The following NPC1 variants were observed in gnomAD, a reference collection of about 807,000 sequenced individuals.
NPC1 encodes Niemann-Pick C1 protein.
A neutral mutation model predicts 140.4 loss-of-function variants in NPC1; 85 were observed. That is an observed-to-expected ratio of 0.61 (90% CI 0.51 to 0.72). The LOEUF is 0.72. Ranked by LOEUF, NPC1 falls within the 30% of genes least tolerant of loss-of-function variation. NPC1 has a pLI of 0.00. For synonymous variants in NPC1, 656 were observed against 624.8 expected, an observed-to-expected ratio of 1.05 and a Z score of -0.74; for missense variants, 1,504 against 1,623.8, an observed-to-expected ratio of 0.93 and a Z score of 1.27.
intron 19 of NPC1, chr18:23,538,883 C>A: frequency 1.7e-6 from 1 of 587,044 alleles, no homozygotes; most frequent in Non-Finnish European, 3.0e-6. Context: ...TCATCTTAGG[C>A]ATACTATGCA....
chr18:23,536,049 G>A (rs867492361), intron 21 of NPC1, among the ~76,000 whole-genome samples: 2 of 152,122 alleles, frequency 1.3e-5, no homozygotes, highest in African/African-American at 2.4e-5. Context: ...ACTACCTCAG[G>A]CTCAGCGGGG....
intron 3 of NPC1, among the ~76,000 whole-genome samples, chr18:23,514,657 T>C (rs2057952734): frequency 6.6e-6 from 1 of 152,154 alleles, no homozygotes; most frequent in South Asian, 2.1e-4. Context: ...TGTGATTGCA[T>C]GGGAAGGATG....
chr18:23,534,939 A>G (rs898603987), intron 22 of NPC1, among the ~76,000 whole-genome samples: 1 of 152,166 alleles, frequency 6.6e-6, no homozygotes, highest in Non-Finnish European at 1.5e-5. Flanking sequence ...TCTATTTTCC[A>G]TGAATACCTT....
At chr18:23,554,545 A>G (rs1054207291) in intron 9 of NPC1, among the ~76,000 whole-genome samples, 2 of 151,922 alleles carry the variant, frequency 1.3e-5, no homozygotes, top group South Asian at 4.2e-4. Context: ...GCCGGAGGTT[A>G]CAGTGAGCCA....
chr18:23,571,957 TATA>T, intron 3 of NPC1, 114 bp downstream of exon 3: 1 of 443,418 alleles, frequency 2.3e-6, no homozygotes, highest in Non-Finnish European at 4.1e-6. Context: ...ATAATATACA[TATA>T]ATATAGACAT....
At chr18:23,538,311 CAGAG>C (rs903726691) in intron 20 of NPC1, among the ~76,000 whole-genome samples, 13 of 152,186 alleles carry the variant, frequency 8.5e-5, no homozygotes, top group African/African-American at 2.7e-4. Context: ...GGCCAGGACA[CAGAG>C]AGAGCATGAG....
chr18:23,566,853 T>A (rs1567975379), intron 4 of NPC1, among the ~76,000 whole-genome samples: 1 of 152,272 alleles, frequency 6.6e-6, no homozygotes. Flanking sequence ...TCCTCTCTCC[T>A]AACCCATGGC....
chr18:23,544,986 G>A lies in NPC1; in HGVS notation c.1921C>T (p.His641Tyr). The change falls in exon 12 of 25, where the codon CAC becomes TAC. Residue 641 changes from histidine to tyrosine, a missense_variant. Transcript: ENST00000269228. ...AGAAGCCTGCGACAGCTTTTCATGT[G>A]CCCCAAGGCTAGGGAAATATATAGA... is the stretch of plus-strand genomic sequence containing the variant. ...MFLYISLALG[H>Y]MKSCRRLLVD... 6.5e-7 allele frequency: 1 copy of A among 1,527,572 alleles called. No homozygotes were observed. The highest frequency in any genetic ancestry group is 1.1e-5 in the South Asian group (1 of 89,402). The allele number at this position is 1,527,572 out of a possible 1,614,324, so 94.6% of individuals were successfully genotyped here.
chr18:23,526,853 GT>G, downstream of NPC1: 8 of 1,517,282 alleles, frequency 5.3e-6, no homozygotes. Context: ...CTACATTGTT[GT>G]GTCTTGTCTG....
rs903833252 is a variant in NPC1, at chr18:23,538,394, G to A, written c.3041+148C>T. On this transcript the variant is annotated intron_variant, in intron 20 of 24. Transcript: ENST00000269228. Reference sequence around the variant, plus strand: ...GGCATTTTCTTAAAAAGGTGTTTTCGGTTTTCCTGCTTCCACCAAAGGACC... The same window carrying A: ...GGCATTTTCTTAAAAAGGTGTTTTCAGTTTTCCTGCTTCCACCAAAGGACC... 126 of 994,442 alleles carry A rather than the reference G, an allele frequency of 1.3e-4. 1 individual carries two copies. In the Admixed American group the frequency reaches 2.1e-3, roughly 17 times the overall value. 61.6% of individuals were successfully genotyped at this position (994,442 alleles called of 1,614,324 possible).
downstream of NPC1, chr18:23,520,336 GTCTGT>G (rs772871108): frequency 6.4e-7 from 1 of 1,568,924 alleles, no homozygotes; most frequent in African/African-American, 1.4e-5. Flanking sequence ...CTGTAGAGGA[GTCTGT>G]GCTGCCCTTT....
At position 23,586,467 on chromosome 18, in the gene NPC1, CGCT is replaced by C. The variant is rs2059421254; in HGVS notation, c.-127_-125del. The C allele has an allele frequency of 6.8e-7, 1 of 1,461,368 alleles. No individual in the cohort carries two copies. Among genetic ancestry groups the C allele is most frequent in the Non-Finnish European group, 9.0e-7 (1 of 1,113,548 alleles). 90.5% of individuals were successfully genotyped at this position (1,461,368 alleles called of 1,614,324 possible). The stretch of plus-strand genomic sequence containing the variant: ...GGAGGAGCGGAGGAGCAGGAGCAGG[CGCT>C]GACCGCGGCAGCAGGCTGCGCGCGC... On this transcript the variant is annotated 5_prime_UTR_variant, in exon 1 of 25. Coordinates refer to ENST00000269228, the MANE Select transcript of NPC1 (RefSeq NM_000271.5).
Position 23,544,943 on chromosome 18 carries a change from A to ACCG in NPC1, c.1947+16_1947+17insCGG, listed in dbSNP as rs55809701. On this transcript the variant is annotated intron_variant, in intron 12 of 24. Transcript: ENST00000269228. ...GCTGTTAACCTCTAGAACATACACC[A>ACCG]CCCCCCCCCGGCTTACCAGAAGCCT... 1.8e-3 allele frequency: 1,882 copies of ACCG among 1,042,344 alleles called. 109 individuals carry two copies. In the African/African-American group the frequency reaches 0.028, roughly 16 times the overall value. The allele number at this position is 1,042,344 out of a possible 1,614,324, so 64.6% of individuals were successfully genotyped here. A position where few individuals can be genotyped will look rare whatever the true frequency, so the allele number is the denominator to read the frequency against.
downstream of NPC1, chr18:23,528,257 G>A (rs2058367207): frequency 5.9e-6 from 1 of 170,770 alleles, no homozygotes. Context: ...TGAGGACTTA[G>A]AAAATTAAAT....
chr18:23,585,013 C>T (rs1357779355), intron 1 of NPC1, among the ~76,000 whole-genome samples: 1 of 151,914 alleles, frequency 6.6e-6, no homozygotes, highest in Non-Finnish European at 1.5e-5. Flanking sequence ...CGACACTGCC[C>T]CCACGCCTGG....
intron 1 of NPC1, among the ~76,000 whole-genome samples, chr18:23,577,975 A>G (rs1472140089): frequency 6.6e-6 from 1 of 152,204 alleles, no homozygotes; most frequent in Non-Finnish European, 1.5e-5. Flanking sequence ...CTGGCCCGCA[A>G]GTGCCGCACA....
intron 22 of NPC1, among the ~76,000 whole-genome samples, chr18:23,534,804 T>C (rs531189862): frequency 5.9e-5 from 9 of 152,270 alleles, no homozygotes; most frequent in African/African-American, 1.7e-4. Context: ...CCAGGAGAAA[T>C]TGCTGGAACC....
intron 21 of NPC1, 85 bp downstream of exon 21, chr18:23,536,588 G>T: frequency 1.7e-6 from 2 of 1,194,122 alleles, no homozygotes; most frequent in Non-Finnish European, 1.2e-6. Context: ...CTGAAAATCA[G>T]CATCTTGCCA....
downstream of NPC1, chr18:23,524,460 C>T (rs917990007): frequency 1.9e-6 from 3 of 1,613,966 alleles, no homozygotes; most frequent in Non-Finnish European, 2.5e-6. Context: ...TTCAACCTGA[C>T]ATCATTATCA....
Sources: allele counts gnomAD v4.1 joint callset (sites outside exome capture counted in the v4.1 genomes callset), GRCh38; gene constraint gnomAD v4.1.1; transcripts MANE v1.5; gene names NCBI Gene and HGNC (gene_info 2026-07-23, HGNC 2026-07-21).